Variants in ZNF701 observed in about 807,000 individuals in gnomAD.
The protein encoded by ZNF701 is zinc finger protein 701.
In ZNF701, 6 loss-of-function variants were observed where a neutral mutation model predicts 7.1. The ratio of observed to expected loss-of-function variants is 0.84; its 90% confidence interval spans 0.46 to 1.66. The LOEUF (loss-of-function observed/expected upper bound fraction) is 1.66. Ranked by LOEUF, ZNF701 falls within the 40% of genes most tolerant of loss-of-function variation. ZNF701 has a pLI of 0.01. For missense variants in ZNF701, 541 were observed against 559.2 expected (o/e 0.97, Z 0.33); for synonymous variants, 166 against 188.2 (o/e 0.88, Z 0.97).
intron 1 of ZNF701, chr19:52,573,156 C>T (rs1282164372): frequency 6.1e-6 from 1 of 163,954 alleles, no homozygotes; most frequent in Non-Finnish European, 1.3e-5. Context: ...CAACCTTTGT[C>T]TCCTGAGTTC....
downstream of ZNF701, among the ~76,000 whole-genome samples, chr19:52,589,599 C>T (rs2060028844): frequency 6.6e-6 from 1 of 151,760 alleles, no homozygotes; most frequent in Admixed American, 6.6e-5. Flanking sequence ...TCTGCCTCAG[C>T]CTCCCGAGTA....
At chr19:52,590,187 G>A (rs560636253), downstream of ZNF701, among the ~76,000 whole-genome samples, 1 of 150,366 alleles carries the variant, frequency 6.7e-6, no homozygotes, top group Non-Finnish European at 1.5e-5. Context: ...TGCAACCTCT[G>A]CCTCCCATGC....
At chr19:52,591,966 C>G (rs2060038726), downstream of ZNF701, 2 of 476,290 alleles carry the variant, frequency 4.2e-6, no homozygotes, top group Non-Finnish European at 7.5e-6. Context: ...AAAAACTGTT[C>G]AAAAATACCT....
At position 52,575,878 on chromosome 19, in the gene ZNF701, ATG is replaced by A; in HGVS notation, c.16-13_16-12del. 1 of 1,445,192 alleles carries A rather than the reference ATG, an allele frequency of 6.9e-7. No individual in the cohort carries two copies. Among genetic ancestry groups the A allele is most frequent in the Non-Finnish European group, 9.3e-7 (1 of 1,078,196 alleles). The allele number at this position is 1,445,192 out of a possible 1,614,324, so 89.5% of individuals were successfully genotyped here. A position where few individuals can be genotyped will look rare whatever the true frequency, so the allele number is the denominator to read the frequency against. The stretch of plus-strand genomic sequence containing the variant: ...CTCCTCCCATAACCATTTGCTTAAA[ATG>A]TGTTTTCCTTTCAGGGTCTACTGAC... On this transcript the variant is annotated splice_polypyrimidine_tract_variant and intron_variant, in intron 2 of 3. Transcript: ENST00000391785.
In ZNF701 at chr19:52,576,138, A is replaced by T. The variant is rs2903846; in HGVS notation, c.142+117A>T. The T allele has an allele frequency of 1.1e-4, 180 of 1,572,768 alleles. 2 individuals carry two copies. The East Asian group carries it at 3.3e-3, about 29-fold the overall frequency. ...GCTAAAATGGAAGCCGTATTGAGTT[A>T]GAAATGAAAAGCTTCATGATGTAGC... On this transcript the variant is annotated intron_variant, in intron 3 of 3. Transcript: ENST00000391785.
Position 52,582,657 on chromosome 19 carries a change from T to G in ZNF701, c.598T>G (p.Ser200Ala), listed in dbSNP as rs1166790955. 6.8e-6 allele frequency: 11 copies of G among 1,613,998 alleles called. No homozygotes were observed. Among genetic ancestry groups the G allele is most frequent in the Non-Finnish European group, 5.9e-6 (7 of 1,180,032 alleles). ...GTATAGGAATAATTTCCTCCAGTCT[T>G]CATTACTCACACAAAAACGGGAAGT... ...NKYRNNFLQS[S>A]LLTQKREVHT... The change falls in exon 4 of 4, where the codon TCA (serine) becomes GCA (alanine). Residue 200 changes from serine to alanine, a missense_variant. Physicochemically the swap from Ser to Ala is moderately conservative, Grantham distance 99. Transcript: ENST00000391785.
the ZNF701 span, among the ~76,000 whole-genome samples, chr19:52,598,402 G>C: frequency 1.3e-5 from 2 of 152,170 alleles, no homozygotes; most frequent in Non-Finnish European, 2.9e-5. Flanking sequence ...GGCGGGGCGA[G>C]CTCCCCTCTG....
At chr19:52,574,469 A>T (rs2059920547) in intron 2 of ZNF701, among the ~76,000 whole-genome samples, 1 of 152,196 alleles carries the variant, frequency 6.6e-6, no homozygotes, top group Admixed American at 6.5e-5. Context: ...CAGGGGCCAC[A>T]TCTGGATGCA....
At chr19:52,599,600 A>G in the ZNF701 span, among the ~76,000 whole-genome samples, 2 of 152,164 alleles carry the variant, frequency 1.3e-5, no homozygotes, top group Non-Finnish European at 2.9e-5. Context: ...ACTGGCCCAG[A>G]ATAAAAAACG....
downstream of ZNF701, among the ~76,000 whole-genome samples, chr19:52,588,183 G>T (rs148417659): frequency 6.8e-6 from 1 of 147,752 alleles, no homozygotes; most frequent in African/African-American, 2.5e-5. Flanking sequence ...AAAGGAGGGA[G>T]TGATTTCTAA....
At chr19:52,596,124 AT>A in the ZNF701 span, 1 of 875,210 alleles carries the variant, frequency 1.1e-6, no homozygotes, top group Non-Finnish European at 1.9e-6. Flanking sequence ...TTCCAATGTA[AT>A]GAGTGTGGCA....
In ZNF701 at chr19:52,582,770, T is replaced by G; in HGVS notation, c.711T>G (p.His237Gln). ...TCTTAAAAAAACATCAGATAATCCA[T>G]TTAGGAGACAAACAGTATAAATGTG... ...SSLLKKHQII[H>Q]LGDKQYKCDV... Residue 237 changes from histidine to glutamine, a missense_variant, in exon 4 of 4, where the codon CAT becomes CAG. Physicochemically the swap from His to Gln is conservative, Grantham distance 24. Coordinates refer to ENST00000391785, the MANE Select transcript of ZNF701 (RefSeq NM_018260.3). 1 of 1,614,152 alleles carries G rather than the reference T, an allele frequency of 6.2e-7. No individual in the cohort carries two copies. Among genetic ancestry groups the G allele is most frequent in the Non-Finnish European group, 8.5e-7 (1 of 1,180,030 alleles).
At chr19:52,578,820 C>CAT (rs1568503228) in intron 3 of ZNF701, among the ~76,000 whole-genome samples, 1 of 152,110 alleles carries the variant, frequency 6.6e-6, no homozygotes, top group Non-Finnish European at 1.5e-5. Flanking sequence ...TGCAGTGGTG[C>CAT]GATCTCGGCT....
rs1314694569 is a variant in ZNF701 at position 52,585,692 on chromosome 19, G to A, written c.*2235G>A. On this transcript the variant is annotated 3_prime_UTR_variant, in exon 4 of 4. Coordinates refer to ENST00000391785, the MANE Select transcript of ZNF701 (RefSeq NM_018260.3). Reference sequence around the variant, plus strand: ...GGCCCCATTTACAAAGTTTTTGGAGGTTATTTTTTTTTGAGGTCCCTATGG... The same window carrying A: ...GGCCCCATTTACAAAGTTTTTGGAGATTATTTTTTTTTGAGGTCCCTATGG... 2.7e-5 allele frequency: 4 copies of A among 147,738 alleles called. No homozygotes were observed. Among genetic ancestry groups the A allele is most frequent in the African/African-American group, 4.9e-5 (2 of 41,180 alleles). The allele number at this position is 147,738 out of a possible 1,614,324, so 9.2% of individuals were successfully genotyped here. A position where few individuals can be genotyped will look rare whatever the true frequency, so the allele number is the denominator to read the frequency against.
intron 3 of ZNF701, among the ~76,000 whole-genome samples, chr19:52,577,960 A>T (rs1029478216): frequency 2.6e-5 from 4 of 152,092 alleles, no homozygotes; most frequent in African/African-American, 9.7e-5. Flanking sequence ...TCTTTCTTAG[A>T]AGTGCATAGA....
At chr19:52,588,554 C>A, downstream of ZNF701, 1 of 373,024 alleles carries the variant, frequency 2.7e-6, no homozygotes, top group Non-Finnish European at 5.2e-6. Context: ...AAGACTCATG[C>A]TATGTAAGGA....
intron 3 of ZNF701, among the ~76,000 whole-genome samples, chr19:52,581,564 G>C (rs2059975852): frequency 6.6e-6 from 1 of 152,202 alleles, no homozygotes; most frequent in South Asian, 2.1e-4. Context: ...CCAGGCTGGA[G>C]TGCAGTGGTT....
chr19:52,570,811 C>G (rs929038554), intron 1 of ZNF701: 1 of 152,372 alleles, frequency 6.6e-6, no homozygotes, highest in Admixed American at 6.6e-5. Flanking sequence ...TTGCTGCACC[C>G]CAAGTCTCCC....
chr19:52,571,254 G>GAGA (rs2059897034), intron 1 of ZNF701, among the ~76,000 whole-genome samples: 3 of 148,950 alleles, frequency 2.0e-5, no homozygotes, highest in South Asian at 2.1e-4. Flanking sequence ...GAGAGAGAGA[G>GAGA]GAGGAATTTG....
Sources: allele counts gnomAD v4.1 joint callset (sites outside exome capture counted in the v4.1 genomes callset), GRCh38; gene constraint gnomAD v4.1.1; transcripts MANE v1.5; gene names NCBI Gene and HGNC (gene_info 2026-07-23, HGNC 2026-07-21).